ATP7B: variants seen among roughly 807,000 people sequenced by gnomAD.
ATP7B encodes the protein ATPase copper transporting beta, also known as copper-transporting ATPase 2.
A neutral mutation model predicts 118.9 loss-of-function variants in ATP7B; 113 were observed. The ratio of observed to expected loss-of-function variants is 0.95; its 90% CI spans 0.82 to 1.11. The LOEUF (loss-of-function observed/expected upper bound fraction) is 1.11, where lower values mean the gene tolerates loss of function less well. ATP7B is among the 50% of genes most tolerant of loss of function. ATP7B has a pLI of 0.00. For synonymous variants in ATP7B, 777 were observed against 727.4 expected (o/e 1.07, Z -1.10); for missense variants, 1,867 against 1,871.4 (o/e 1.00, Z 0.04).
upstream of ATP7B, chr13:52,011,996 C>A: frequency 3.1e-6 from 1 of 326,330 alleles, no homozygotes; most frequent in Non-Finnish European, 5.9e-6. Flanking sequence ...AAGGAAGCAA[C>A]CGCGGCAAGA....
chr13:51,944,374 C>A, intron 13 of ATP7B, 83 bp from the exon 14 acceptor site: 1 of 1,536,194 alleles, frequency 6.5e-7, no homozygotes, highest in South Asian at 1.2e-5. Context: ...GAACTTCACC[C>A]AACCTGCCTC....
upstream of ATP7B, chr13:52,011,924 G>C (rs1314776669): frequency 3.6e-6 from 1 of 275,694 alleles, no homozygotes; most frequent in Non-Finnish European, 7.0e-6. Flanking sequence ...GCCGCGTCGG[G>C]TCCGCTCTGC....
At chr13:51,991,987 GC>G (rs1444540102) in intron 1 of ATP7B, among the ~76,000 whole-genome samples, 6 of 152,118 alleles carry the variant, frequency 3.9e-5, no homozygotes, top group African/African-American at 1.4e-4. Flanking sequence ...CAGACTCTGA[GC>G]TTTTACCAGT....
chr13:51,953,717 T>G (rs1490515246), intron 9 of ATP7B, among the ~76,000 whole-genome samples: 2 of 152,154 alleles, frequency 1.3e-5, no homozygotes, highest in African/African-American at 2.4e-5. Context: ...CTGCCAGGAA[T>G]CTGTTTACTT....
intron 1 of ATP7B, 98 bp downstream of exon 1, chr13:52,011,189 T>G: frequency 1.3e-6 from 2 of 1,588,754 alleles, no homozygotes; most frequent in Non-Finnish European, 1.7e-6. Flanking sequence ...CGGCCTTCCC[T>G]GCGCACCCCC....
chr13:51,992,719 T>C lies in ATP7B; in HGVS notation c.52-17551A>G, dbSNP rs547395406. ...TAGGCCAGGCAGGGTGGTTCACGCC[T>C]GTAATCCCAGCACTTTGGATGGCTG... is the stretch of plus-strand genomic sequence containing the variant. On this transcript the variant is annotated intron_variant, in intron 1 of 20. Coordinates refer to ENST00000242839, the MANE Select transcript of ATP7B (RefSeq NM_000053.4). Among the ~76,000 whole-genome samples the C allele has an allele frequency of 2.6e-5, 4 of 152,236 alleles. No individual in the cohort carries two copies. The East Asian group carries it at 7.7e-4, about 29-fold the overall frequency.
At chr13:51,941,347 CA>C in intron 15 of ATP7B, 123 bp from the exon 16 acceptor site, 1 of 1,230,944 alleles carries the variant, frequency 8.1e-7, no homozygotes, top group Non-Finnish European at 1.2e-6. Context: ...ACCTTGTAAG[CA>C]CCTCTTGTGA....
chr13:51,973,988 T>C lies in ATP7B; in HGVS notation c.1232A>G (p.Glu411Gly). 1 of 1,614,248 alleles carries C rather than the reference T, an allele frequency of 6.2e-7. No individual in the cohort carries two copies. Among genetic ancestry groups the C allele is most frequent in the Non-Finnish European group, 8.5e-7 (1 of 1,180,038 alleles). ...VLYNPSVISP[E>G]ELRAAIEDMG... ...GTCTTCTATAGCAGCTCTGAGTTCT[T>C]CTGGGCTAATTACAGAGGGATTATA... Residue 411 changes from glutamate (E) to glycine (G), a missense_variant, in exon 2 of 21, where the codon GAA becomes GGA. Transcript: ENST00000242839.
At chr13:52,005,745 T>C (rs1156495641) in intron 1 of ATP7B, among the ~76,000 whole-genome samples, 1 of 152,206 alleles carries the variant, frequency 6.6e-6, no homozygotes, top group Non-Finnish European at 1.5e-5. Context: ...AAGCCAACTC[T>C]GCATTTTCAG....
At chr13:51,983,977 A>C (rs1198013973) in intron 1 of ATP7B, among the ~76,000 whole-genome samples, 1 of 152,204 alleles carries the variant, frequency 6.6e-6, no homozygotes, top group South Asian at 2.1e-4. Flanking sequence ...ACAAGCCTGA[A>C]AATTCCAAAA....
At chr13:51,943,166 C>T (rs1246654735) in intron 14 of ATP7B, among the ~76,000 whole-genome samples, 1 of 152,134 alleles carries the variant, frequency 6.6e-6, no homozygotes, top group Non-Finnish European at 1.5e-5. Context: ...GAGCCTGACG[C>T]CTGGTGATGT....
At chr13:52,001,610 A>G (rs187093734) in intron 1 of ATP7B, among the ~76,000 whole-genome samples, 2 of 152,262 alleles carry the variant, frequency 1.3e-5, no homozygotes, top group Non-Finnish European at 2.9e-5. Context: ...CAACTTCTCA[A>G]TGATTTCCCC....
chr13:51,959,508 CAA>C (rs1164449623), intron 7 of ATP7B: 694 of 58,222 alleles, frequency 0.012, 2 homozygotes, highest in African/African-American at 0.031. Context: ...GACCCTGTCT[CAA>C]AAAAAAAAAA....
chr13:52,003,303 C>A (rs894952966), intron 1 of ATP7B, among the ~76,000 whole-genome samples: 3 of 151,984 alleles, frequency 2.0e-5, no homozygotes, highest in African/African-American at 7.3e-5. Flanking sequence ...ATTAATTGGC[C>A]TAATTTTAAT....
chr13:51,940,110 T>C (rs1201656385), intron 16 of ATP7B, among the ~76,000 whole-genome samples: 1 of 144,316 alleles, frequency 6.9e-6, no homozygotes, highest in Non-Finnish European at 1.5e-5. Context: ...ACTCCCGGGT[T>C]CAAGCAATTC....
rs748976186 is a variant in ATP7B at position 51,968,577 on chromosome 13, G to A, written c.1574C>T (p.Ala525Val). 1 of 1,614,096 alleles carries A rather than the reference G, an allele frequency of 6.2e-7. No individual in the cohort carries two copies. Among genetic ancestry groups the A allele is most frequent in the South Asian group, 1.1e-5 (1 of 91,068 alleles). ...GTCATACTTGATCTCTGCCTTTCCTGCCATCAAGGCAACCAACACGGAGAG... is the reference window on the plus strand; with the variant it reads ...GTCATACTTGATCTCTGCCTTTCCTACCATCAAGGCAACCAACACGGAGAG... ...GVLSVLVALM[A>V]GKAEIKYDPE... is the part of the protein sequence containing the mutation. The change falls in exon 4 of 21, where the codon GCA becomes GTA. Residue 525 changes from alanine (A) to valine (V), a missense_variant. Transcript: ENST00000242839.
At chr13:52,004,253 C>T (rs76570103) in intron 1 of ATP7B, among the ~76,000 whole-genome samples, 1,943 of 152,212 alleles carry the variant, frequency 0.013, 47 homozygotes, top group African/African-American at 0.045. Context: ...CAGAGCAAGA[C>T]TCTGTCTCAA....
intron 20 of ATP7B, among the ~76,000 whole-genome samples, 188 bp downstream of exon 20, chr13:51,935,405 A>G (rs1294717590): frequency 6.6e-6 from 1 of 152,236 alleles, no homozygotes; most frequent in Non-Finnish European, 1.5e-5. Context: ...AATGGGCAGC[A>G]GTGAATTGCC....
At chr13:51,950,530 T>G (rs776079509) in intron 9 of ATP7B, 131 bp from the exon 10 acceptor site, 385 of 1,342,198 alleles carry the variant, frequency 2.9e-4, no homozygotes, top group Non-Finnish European at 3.8e-4. Flanking sequence ...ATCTGTTCAT[T>G]TACAGATATT....
Sources: allele counts gnomAD v4.1 joint callset (sites outside exome capture counted in the v4.1 genomes callset), GRCh38; gene constraint gnomAD v4.1.1; transcripts MANE v1.5; gene names NCBI Gene and HGNC (gene_info 2026-07-23, HGNC 2026-07-21).